Variants in DNAI2 observed in about 807,000 individuals in gnomAD.
DNAI2 encodes the protein dynein axonemal intermediate chain 2.
DNAI2 carries 63 observed loss-of-function variants against 74.7 expected under a neutral mutation model. That is an observed-to-expected ratio of 0.84 (90% confidence interval 0.69 to 1.04). The LOEUF (loss-of-function observed/expected upper bound fraction) is 1.04, where lower values mean the gene tolerates loss of function less well. Among genes scored for constraint, DNAI2 ranks in the 50% least tolerant of loss-of-function variants. The pLI, the probability that DNAI2 is intolerant of heterozygous loss-of-function variation, is 0.00. For synonymous variants in DNAI2, 289 were observed against 314.9 expected, an observed-to-expected ratio of 0.92 and a Z score of 0.87; for missense variants, 688 against 803.2, an observed-to-expected ratio of 0.86 and a Z score of 1.73.
chr17:74,313,900 AG>A lies in DNAI2; in HGVS notation c.1723-219del. 6.7e-6 allele frequency: 4 copies of A among 601,286 alleles called. No individual in the cohort carries two copies. The South Asian group carries it at 7.6e-5, about 11-fold the overall frequency. 37.2% of individuals were successfully genotyped at this position (601,286 alleles called of 1,614,324 possible). On this transcript the variant is annotated intron_variant, in intron 12 of 13. Coordinates refer to ENST00000311014, the MANE Select transcript of DNAI2 (RefSeq NM_023036.6). Reference sequence around the variant, plus strand: ...TCCCAGTCTGCATGTGGCAGAAGCCAGGCGTGAACCCAAGTCTGCCAGATTC... The same window carrying A: ...TCCCAGTCTGCATGTGGCAGAAGCCAGCGTGAACCCAAGTCTGCCAGATTC...
In DNAI2 at chr17:74,299,775, G is replaced by A. The variant is rs1486281240; in HGVS notation, c.782G>A (p.Ser261Asn). Residue 261 changes from serine to asparagine, a missense_variant, in exon 7 of 14, where the codon AGC becomes AAC. Transcript: ENST00000311014. ...LVAELSTIES[S>N]HRDPVYGTIW... ...GCGGAGCTATCCACCATTGAGTCCA[G>A]CCACCGAGACCCTGTGTATGGCACC... The A allele has an allele frequency of 3.7e-6, 6 of 1,611,844 alleles. No individual in the cohort carries two copies. The East Asian group carries it at 1.1e-4, about 30-fold the overall frequency.
intron 1 of DNAI2, 121 bp from the exon 2 acceptor site, chr17:74,281,686 C>A: frequency 1.1e-6 from 1 of 929,776 alleles, no homozygotes; most frequent in South Asian, 1.4e-5. Context: ...AGGATCTCCC[C>A]ACCACCCCTT....
chr17:74,275,061 G>A (rs2050982495), intron 1 of DNAI2, among the ~76,000 whole-genome samples: 1 of 152,202 alleles, frequency 6.6e-6, no homozygotes, highest in Non-Finnish European at 1.5e-5. Flanking sequence ...ACAGGGGAGA[G>A]AGCTGTAGAG....
intron 13 of DNAI2, 123 bp downstream of exon 13, chr17:74,314,394 C>G: frequency 6.3e-6 from 8 of 1,272,488 alleles, no homozygotes; most frequent in Non-Finnish European, 7.8e-6. Flanking sequence ...CACTGACTCA[C>G]TGGGCACTGA....
At chr17:74,307,860 C>T (rs2053278604) in intron 9 of DNAI2, among the ~76,000 whole-genome samples, 1 of 151,996 alleles carries the variant, frequency 6.6e-6, no homozygotes, top group Admixed American at 6.6e-5. Context: ...TGCAGTGGCA[C>T]GATCTTGGCT....
rs142571722 is a variant in DNAI2 at position 74,305,377 on chromosome 17, G to A, written c.1146G>A (p.Thr382=). The A allele has an allele frequency of 3.9e-5, 63 of 1,614,170 alleles. No homozygotes were observed. In the African/African-American group the frequency reaches 5.9e-4, roughly 15 times the overall value. Residue 382 remains threonine, a synonymous_variant, in exon 9 of 14, where the codon ACG becomes ACA. Coordinates refer to ENST00000311014, the MANE Select transcript of DNAI2 (RefSeq NM_023036.6). ...CCTTCTACCCGAAGAACTTCCTGAC[G>A]GTTGGCGACTGGACAGCCCGCATTT... The part of the protein sequence containing the change: ...RNPFYPKNFL[T]VGDWTARIWS...
chr17:74,276,077 GTC>G (rs2051056555), intron 1 of DNAI2, among the ~76,000 whole-genome samples: 1 of 151,998 alleles, frequency 6.6e-6, no homozygotes, highest in Admixed American at 6.6e-5. Context: ...CTCCTTCCCA[GTC>G]TCCCACGCTG....
chr17:74,296,877 G>GA (rs2052475972), intron 6 of DNAI2, among the ~76,000 whole-genome samples: 1 of 152,188 alleles, frequency 6.6e-6, no homozygotes, highest in Non-Finnish European at 1.5e-5. Flanking sequence ...TAGGGCAAGT[G>GA]AAAATGCCAC....
rs900363937 is a variant in DNAI2 at position 74,300,707 on chromosome 17, A to G, written c.865-339A>G. Among the ~76,000 whole-genome samples the G allele has an allele frequency of 6.6e-6, 1 of 152,210 alleles. No individual in the cohort carries two copies. Among genetic ancestry groups the G allele is most frequent in the Admixed American group, 6.5e-5 (1 of 15,272 alleles). ...GTGGGACTTCTAGGTCGGAGCACACATGCATTTTTAACATTGCCGGATATT... is the reference window on the plus strand; with the variant it reads ...GTGGGACTTCTAGGTCGGAGCACACGTGCATTTTTAACATTGCCGGATATT... On this transcript the variant is annotated intron_variant, in intron 7 of 13. Coordinates refer to ENST00000311014, the MANE Select transcript of DNAI2 (RefSeq NM_023036.6). The surrounding 1 kb of genome is among the most constrained non-coding windows in gnomAD (Gnocchi z 4.5).
intron 1 of DNAI2, among the ~76,000 whole-genome samples, chr17:74,276,374 C>T (rs1399214909): frequency 1.3e-5 from 2 of 152,114 alleles, no homozygotes; most frequent in South Asian, 2.1e-4. Flanking sequence ...TAGGTTCCCA[C>T]GGGGGGAGGA....
intron 1 of DNAI2, among the ~76,000 whole-genome samples, chr17:74,280,306 C>A (rs555295699): frequency 6.6e-6 from 1 of 152,360 alleles, no homozygotes; most frequent in South Asian, 2.1e-4. Context: ...CACTTCTCAG[C>A]ATCCTGTGGG....
intron 6 of DNAI2, among the ~76,000 whole-genome samples, chr17:74,297,668 C>T (rs1036852706): frequency 2.0e-5 from 3 of 151,890 alleles, no homozygotes; most frequent in Admixed American, 6.5e-5. Context: ...AGGCGTGAGC[C>T]ACCAAGCCCA....
At chr17:74,282,055 C>T in intron 2 of DNAI2, 55 bp downstream of exon 2, 2 of 1,603,452 alleles carry the variant, frequency 1.2e-6, no homozygotes, top group Admixed American at 3.3e-5. Context: ...GCAGGGCGGC[C>T]AGCTGGGGCC....
chr17:74,298,537 C>A (rs2052578653), intron 6 of DNAI2, among the ~76,000 whole-genome samples: 1 of 152,014 alleles, frequency 6.6e-6, no homozygotes, highest in African/African-American at 2.4e-5. Context: ...GAACTCCTGA[C>A]CACAAGTGAT....
intron 1 of DNAI2, among the ~76,000 whole-genome samples, chr17:74,275,208 A>G (rs970630637): frequency 6.6e-6 from 1 of 152,194 alleles, no homozygotes; most frequent in Non-Finnish European, 1.5e-5. Context: ...ACCACAAGGT[A>G]GTTGTGAGGG....
chr17:74,285,230 G>A, intron 3 of DNAI2, 29 bp downstream of exon 3: 1 of 1,610,172 alleles, frequency 6.2e-7, no homozygotes, highest in Non-Finnish European at 8.5e-7. Context: ...CCAGCTGCAA[G>A]AGCCCCATCC....
chr17:74,292,349 C>A (rs2052161329), intron 6 of DNAI2, among the ~76,000 whole-genome samples: 1 of 151,598 alleles, frequency 6.6e-6, no homozygotes, highest in Admixed American at 6.6e-5. Context: ...TTTTCCATTT[C>A]ATCAAGTTGT....
At chr17:74,274,852 C>G (rs1462448033) in intron 1 of DNAI2, among the ~76,000 whole-genome samples, 3 of 152,168 alleles carry the variant, frequency 2.0e-5, no homozygotes, top group East Asian at 1.9e-4. Flanking sequence ...AGCTGGCGTT[C>G]TCGTGTGATC....
intron 8 of DNAI2, among the ~76,000 whole-genome samples, chr17:74,303,258 G>A (rs1335802232): frequency 1.3e-5 from 2 of 152,154 alleles, no homozygotes; most frequent in African/African-American, 4.8e-5. Context: ...CTGAGGCCCA[G>A]AGTGTCCACC....
Sources: allele counts gnomAD v4.1 joint callset (sites outside exome capture counted in the v4.1 genomes callset), GRCh38; gene constraint gnomAD v4.1.1; non-coding constraint Gnocchi (gnomAD v3.1); transcripts MANE v1.5; gene names NCBI Gene and HGNC (gene_info 2026-07-23, HGNC 2026-07-21).